CA6: variants seen among roughly 807,000 people sequenced by gnomAD.
CA6 encodes carbonate dehydratase VI.
CA6 carries 28 observed loss-of-function variants against 35.9 expected under a neutral mutation model. That is an observed-to-expected ratio of 0.78 (90% CI 0.58 to 1.07). CA6 has a LOEUF of 1.07. CA6 is among the 50% of genes least tolerant of loss of function. The pLI, the probability that CA6 is intolerant of heterozygous loss-of-function variation, is 0.00. For missense variants in CA6, 377 were observed against 382.0 expected (o/e 0.99, Z 0.11); for synonymous variants, 148 against 152.6 (o/e 0.97, Z 0.22).
intron 5 of CA6, among the ~76,000 whole-genome samples, chr1:8,964,257 T>C (rs1639914300): frequency 6.6e-6 from 1 of 152,108 alleles, no homozygotes; most frequent in Non-Finnish European, 1.5e-5. Context: ...CTCTCTCTTT[T>C]TTCTTTTTGG....
chr1:8,967,069 C>T (rs899440545), intron 5 of CA6, among the ~76,000 whole-genome samples: 7 of 152,152 alleles, frequency 4.6e-5, no homozygotes, highest in South Asian at 2.1e-4. Flanking sequence ...GCAATCCTCC[C>T]GCCTTGGCCT....
chr1:8,970,947 C>CCACA lies in CA6; in HGVS notation c.811_814dup (p.Arg272ThrfsTer18). 1 of 1,613,814 alleles carries CCACA rather than the reference C, an allele frequency of 6.2e-7. No individual in the cohort carries two copies. The highest frequency in any genetic ancestry group is 1.1e-5 in the South Asian group (1 of 91,078). On this transcript the variant is annotated frameshift_variant, in exon 7 of 8. Transcript: ENST00000377443. LOFTEE classifies it low-confidence loss of function (END_TRUNC). Reference sequence around the variant, plus strand: ...ATTACCGCAGGACCCAGCCCCTGAACCACAGAGTGGTGGAATCCAACTTCC... The same window carrying CCACA: ...ATTACCGCAGGACCCAGCCCCTGAACCACACACAGAGTGGTGGAATCCAACTTCC...
intron 2 of CA6, among the ~76,000 whole-genome samples, chr1:8,954,254 C>G (rs1051001820): frequency 6.6e-6 from 1 of 151,568 alleles, no homozygotes; most frequent in Non-Finnish European, 1.5e-5. Context: ...CAACCTCTGC[C>G]TCCTGGTTCA....
intron 3 of CA6, 126 bp from the exon 4 acceptor site, chr1:8,958,784 T>C (rs1639757281): frequency 1.8e-6 from 1 of 557,736 alleles, no homozygotes; most frequent in Non-Finnish European, 3.2e-6. Flanking sequence ...GAGGTCCAAG[T>C]TGCTTGTGTG....
rs748672108 is a variant in CA6, at chr1:8,970,949, A to G, written c.812A>G (p.His271Arg). The G allele has an allele frequency of 6.2e-7, 1 of 1,613,810 alleles. No homozygotes were observed. Among genetic ancestry groups the G allele is most frequent in the Admixed American group, 1.7e-5 (1 of 59,998 alleles). ...NDYRRTQPLN[H>R]RVVESNFPNQ... Reference sequence around the variant, plus strand: ...TACCGCAGGACCCAGCCCCTGAACCACAGAGTGGTGGAATCCAACTTCCCG... The same window carrying G: ...TACCGCAGGACCCAGCCCCTGAACCGCAGAGTGGTGGAATCCAACTTCCCG... Residue 271 changes from histidine to arginine, a missense_variant, in exon 7 of 8, where the codon CAC becomes CGC. Physicochemically the swap from His to Arg is conservative, Grantham distance 29. Coordinates refer to ENST00000377443, the MANE Select transcript of CA6 (RefSeq NM_001215.4).
At chr1:8,974,571 G>A in intron 7 of CA6, 51 bp from the exon 8 acceptor site, 2 of 1,461,628 alleles carry the variant, frequency 1.4e-6, no homozygotes, top group Non-Finnish European at 1.9e-6. Context: ...CTCTGTTTTT[G>A]TGAGGACTGT....
At chr1:8,946,218 A>T (rs1304741604) in intron 1 of CA6, among the ~76,000 whole-genome samples, 1 of 151,960 alleles carries the variant, frequency 6.6e-6, no homozygotes, top group Non-Finnish European at 1.5e-5. Flanking sequence ...TTGTATTTTT[A>T]GTAGAGACAG....
rs535602065 is a variant in CA6 at position 8,946,253 on chromosome 1, G to A, written c.79+288G>A. Among the ~76,000 whole-genome samples, 6 of 152,162 alleles carry A rather than the reference G, an allele frequency of 3.9e-5. No homozygotes were observed. The South Asian group carries it at 1.2e-3, about 32-fold the overall frequency. ...GGGTTTCACCATGTTGTCCAGGCTG[G>A]TCTCGAACTCCTGACCTTAGGTGAT... On this transcript the variant is annotated intron_variant, in intron 1 of 7. Transcript: ENST00000377443.
intron 7 of CA6, among the ~76,000 whole-genome samples, chr1:8,973,710 C>T (rs868019422): frequency 0.016 from 1,680 of 106,024 alleles, 101 homozygotes; most frequent in African/African-American, 0.061. Context: ...TTCTTTCTCT[C>T]TCTTTCTTTC....
At chr1:8,971,792 C>T (rs985934174) in intron 7 of CA6, among the ~76,000 whole-genome samples, 6 of 152,224 alleles carry the variant, frequency 3.9e-5, no homozygotes, top group African/African-American at 1.4e-4. Flanking sequence ...GAAGCAGGTG[C>T]GGGCAGGCCA....
At chr1:8,966,900 G>T (rs1639981571) in intron 5 of CA6, among the ~76,000 whole-genome samples, 1 of 152,086 alleles carries the variant, frequency 6.6e-6, no homozygotes, top group Non-Finnish European at 1.5e-5. Flanking sequence ...GTTTCCAGCG[G>T]TTGTGGCAGG....
intron 7 of CA6, 121 bp from the exon 8 acceptor site, chr1:8,974,501 T>C (rs996978730): frequency 6.8e-7 from 1 of 1,466,726 alleles, no homozygotes; most frequent in African/African-American, 1.4e-5. Flanking sequence ...GAGAGCATTC[T>C]AAGGAATCAA....
chr1:8,957,588 G>T (rs190084944), intron 3 of CA6, among the ~76,000 whole-genome samples: 1 of 151,970 alleles, frequency 6.6e-6, no homozygotes, highest in Non-Finnish European at 1.5e-5. Context: ...TGATCCACCC[G>T]CCTTGGCCTC....
intron 2 of CA6, among the ~76,000 whole-genome samples, chr1:8,950,500 C>T (rs911281898): frequency 6.6e-6 from 1 of 151,968 alleles, no homozygotes; most frequent in African/African-American, 2.4e-5. Flanking sequence ...TTGGCCACAT[C>T]CTCCTTAGGT....
chr1:8,958,044 C>T (rs1446708607), intron 3 of CA6, among the ~76,000 whole-genome samples: 1 of 152,170 alleles, frequency 6.6e-6, no homozygotes, highest in Non-Finnish European at 1.5e-5. Context: ...TGACAGATCA[C>T]CACTTTGTGA....
intron 5 of CA6, among the ~76,000 whole-genome samples, chr1:8,967,415 G>T (rs186673993): frequency 1.3e-5 from 2 of 152,190 alleles, no homozygotes; most frequent in South Asian, 4.1e-4. Context: ...GAAAATGGCC[G>T]CAGGGTGAGC....
intron 2 of CA6, among the ~76,000 whole-genome samples, chr1:8,954,602 G>A (rs1023208767): frequency 6.6e-6 from 1 of 152,148 alleles, no homozygotes; most frequent in Non-Finnish European, 1.5e-5. Context: ...AGACCAAGTT[G>A]GAAATAATTG....
At chr1:8,949,847 G>C (rs965919620) in intron 2 of CA6, among the ~76,000 whole-genome samples, 8 of 152,136 alleles carry the variant, frequency 5.3e-5, no homozygotes, top group Admixed American at 5.2e-4. Context: ...TGACAGGTAG[G>C]ACCAGGGTTT....
intron 5 of CA6, among the ~76,000 whole-genome samples, chr1:8,965,254 A>G (rs754614491): frequency 2.0e-5 from 3 of 152,122 alleles, no homozygotes; most frequent in Non-Finnish European, 2.9e-5. Context: ...AAACAACGAC[A>G]ACAACAACAA....
Sources: gnomAD v4.1 joint callset for allele counts (sites outside exome capture counted in the v4.1 genomes callset) on GRCh38, gnomAD v4.1.1 for gene constraint, MANE v1.5 for transcripts, NCBI Gene and HGNC (gene_info 2026-07-23, HGNC 2026-07-21) for gene names.